The following ITGAE variants were observed in gnomAD, a reference collection of about 807,000 sequenced individuals.
ITGAE encodes integrin subunit alpha E, also known as integrin alpha-E.
A neutral mutation model predicts 136.5 loss-of-function variants in ITGAE; 99 were observed. The observed-to-expected ratio is 0.73, with a 90% CI of 0.62 to 0.86. The LOEUF is 0.86. ITGAE is among the 40% of genes least tolerant of loss of function. The probability of loss-of-function intolerance (pLI) is 0.00; values close to 1 mark genes in which losing one functional copy is unlikely to be tolerated. For missense variants in ITGAE, 1,447 were observed against 1,515.3 expected (o/e 0.95, Z 0.75); for synonymous variants, 613 against 591.8 (o/e 1.04, Z -0.52).
chr17:3,796,054 T>C (rs1597376951), intron 1 of ITGAE, among the ~76,000 whole-genome samples: 8 of 14,772 alleles, frequency 5.4e-4, no homozygotes, highest in Admixed American at 1.2e-3. Flanking sequence ...TGTGCATCTG[T>C]GTGTGTGCAT....
chr17:3,725,101 G>T, intron 26 of ITGAE: 1 of 1,614,220 alleles, frequency 6.2e-7, no homozygotes, highest in Non-Finnish European at 8.5e-7. Context: ...GCTTCCTTCA[G>T]TTTCCACAAG....
At chr17:3,789,621 C>T (rs1407571409) in intron 1 of ITGAE, among the ~76,000 whole-genome samples, 1 of 152,092 alleles carries the variant, frequency 6.6e-6, no homozygotes, top group Non-Finnish European at 1.5e-5. Flanking sequence ...CTGCCTCAAC[C>T]TCCCCTGTAG....
rs938030319 is a variant in ITGAE, at chr17:3,771,435, C to T, written c.155+6105G>A. Among the ~76,000 whole-genome samples, 15 of 152,110 alleles carry T rather than the reference C, an allele frequency of 9.9e-5. No homozygotes were observed. In the South Asian group the frequency reaches 1.2e-3, roughly 13 times the overall value. On this transcript the variant is annotated intron_variant, in intron 2 of 30. Transcript: ENST00000263087. Reference sequence around the variant, plus strand: ...GTGCGGGGCTTAGAGGGGGCCTAGGCGCCGCAGCTCACGTGCCCTTGATCT... The same window carrying T: ...GTGCGGGGCTTAGAGGGGGCCTAGGTGCCGCAGCTCACGTGCCCTTGATCT...
intron 23 of ITGAE, 22 bp from the exon 24 acceptor site, chr17:3,729,577 C>G: frequency 7.1e-7 from 1 of 1,402,010 alleles, no homozygotes; most frequent in Non-Finnish European, 1.0e-6. Flanking sequence ...AGTGTTAGTT[C>G]ATAGCACACC....
chr17:3,740,935 C>G (rs2051570216), intron 19 of ITGAE, among the ~76,000 whole-genome samples: 1 of 152,186 alleles, frequency 6.6e-6, no homozygotes, highest in Non-Finnish European at 1.5e-5. Flanking sequence ...TTCCCACGGC[C>G]TAGAGGGGGA....
chr17:3,741,942 T>G (rs1014373810), intron 19 of ITGAE, among the ~76,000 whole-genome samples: 2 of 152,146 alleles, frequency 1.3e-5, no homozygotes, highest in African/African-American at 2.4e-5. Flanking sequence ...CCGAGCATGG[T>G]GATACATGCC....
intron 17 of ITGAE, among the ~76,000 whole-genome samples, chr17:3,747,350 C>T (rs906708493): frequency 6.6e-6 from 1 of 151,972 alleles, no homozygotes; most frequent in African/African-American, 2.4e-5. Context: ...CGGAGTCTCG[C>T]TCTGTCACCC....
chr17:3,779,021 T>C (rs1207865331), intron 1 of ITGAE, among the ~76,000 whole-genome samples: 2 of 151,496 alleles, frequency 1.3e-5, no homozygotes, highest in Non-Finnish European at 2.9e-5. Context: ...TCCATTTATA[T>C]GAGGTTCTAG....
At chr17:3,734,974 T>G (rs2051429641) in intron 20 of ITGAE, 25 bp from the exon 21 acceptor site, 1 of 1,613,476 alleles carries the variant, frequency 6.2e-7, no homozygotes, top group East Asian at 2.2e-5. Flanking sequence ...GATAAAAATG[T>G]TACAGTTTAT....
In ITGAE at chr17:3,798,727, G is replaced by C. The variant is rs894421993; in HGVS notation, c.34+2384C>G. ...AAGGTGTTGTAGGCTGACAGGACAGGCTTCTTCACGCAAGGGTGGAAACTC... is the reference window on the plus strand; with the variant it reads ...AAGGTGTTGTAGGCTGACAGGACAGCCTTCTTCACGCAAGGGTGGAAACTC... On this transcript the variant is annotated intron_variant, in intron 1 of 30. Coordinates refer to ENST00000263087, the MANE Select transcript of ITGAE (RefSeq NM_002208.5). This position sits in a 1 kb window ranked among gnomAD's most constrained non-coding sequence, Gnocchi z 4.3. Among the ~76,000 whole-genome samples the C allele has an allele frequency of 2.0e-5, 3 of 152,192 alleles. No individual in the cohort carries two copies. Among genetic ancestry groups the C allele is most frequent in the African/African-American group, 7.2e-5 (3 of 41,446 alleles).
Position 3,757,843 on chromosome 17 carries a change from A to C in ITGAE, c.883T>G (p.Ser295Ala). 1 of 1,614,142 alleles carries C rather than the reference A, an allele frequency of 6.2e-7. No homozygotes were observed. The highest frequency in any genetic ancestry group is 8.5e-7 in the Non-Finnish European group (1 of 1,180,030). The part of the protein sequence containing the change: ...MQHVLDSIFT[S>A]SHGSRRKASK... ...GCCTTTCTCCTGGAGCCGTGGCTTG[A>C]GGTGAAGATGCTGTCTCTAAGCAGG... Residue 295 changes from serine (S) to alanine (A), a missense_variant, in exon 9 of 31, where the codon TCA becomes GCA. Ser to Ala is a moderately conservative substitution (Grantham distance 99). This residue lies in a region of ITGAE where 310 missense variants were observed against 416.1 expected (regional missense o/e 0.74). Coordinates refer to ENST00000263087, the MANE Select transcript of ITGAE (RefSeq NM_002208.5).
At chr17:3,733,669 C>A (rs2051397182) in intron 21 of ITGAE, among the ~76,000 whole-genome samples, 1 of 152,338 alleles carries the variant, frequency 6.6e-6, no homozygotes, top group African/African-American at 2.4e-5. Context: ...GATCCGCCCG[C>A]CTCGGCCTCC....
At chr17:3,720,584 CTTTTTTT>C in intron 28 of ITGAE, 182 bp from the exon 29 acceptor site, 1 of 321,048 alleles carries the variant, frequency 3.1e-6, no homozygotes, top group Non-Finnish European at 5.7e-6. Flanking sequence ...CTTCAACTTC[CTTTTTTT>C]TTTTTTTTGA....
chr17:3,759,639 A>G (rs2052117214), intron 7 of ITGAE, 86 bp from the exon 8 acceptor site: 9 of 1,483,284 alleles, frequency 6.1e-6, no homozygotes, highest in Non-Finnish European at 8.4e-6. Flanking sequence ...CAGCAGAAAA[A>G]TCCACTCCTT....
At position 3,716,809 on chromosome 17, in the gene ITGAE, CAA is replaced by C. The variant is rs769120413; in HGVS notation, c.3334-13_3334-12del. On this transcript the variant is annotated splice_polypyrimidine_tract_variant and intron_variant, in intron 29 of 30. Transcript: ENST00000263087. ...GAAGACGACAGTGATCTAGACAAGACAAAGAGATCGCCCAATAAATCAGGTGA... is the reference window on the plus strand; with the variant it reads ...GAAGACGACAGTGATCTAGACAAGACAGAGATCGCCCAATAAATCAGGTGA... 2.1e-6 allele frequency: 3 copies of C among 1,420,612 alleles called. No individual in the cohort carries two copies. The highest frequency in any genetic ancestry group is 1.8e-5 in the Admixed American group (1 of 56,686). 88.0% of individuals were successfully genotyped at this position (1,420,612 alleles called of 1,614,324 possible). A position where few individuals can be genotyped will look rare whatever the true frequency, so the allele number is the denominator to read the frequency against.
chr17:3,763,846 C>T (rs2052230718), intron 3 of ITGAE, 23 bp downstream of exon 3: 1 of 1,591,106 alleles, frequency 6.3e-7, no homozygotes, highest in Non-Finnish European at 8.6e-7. Flanking sequence ...GGGGAGCATT[C>T]CCTGGAGTTG....
At position 3,714,786 on chromosome 17, in the gene ITGAE, AGGATGCTG is replaced by A; in HGVS notation, c.*53_*60del. The A allele has an allele frequency of 1.1e-6, 1 of 908,738 alleles. No homozygotes were observed. Among genetic ancestry groups the A allele is most frequent in the Non-Finnish European group, 1.8e-6 (1 of 558,556 alleles). 56.3% of individuals were successfully genotyped at this position (908,738 alleles called of 1,614,324 possible). A position where few individuals can be genotyped will look rare whatever the true frequency, so the allele number is the denominator to read the frequency against. ...CATCCTGAAGGAAAAAGTAATGCAA[AGGATGCTG>A]GGTCTCCAAGTCCCAGGACTGGCTG... On this transcript the variant is annotated 3_prime_UTR_variant, in exon 31 of 31. Transcript: ENST00000263087.
rs555850424 is a variant in ITGAE at position 3,761,861 on chromosome 17, G to A, written c.315+54C>T. Reference sequence around the variant, plus strand: ...TGGTCTCAACACCAGGGTCAACCACGAGGGCTAGCACCAGCCTCCCTAAGG... The same window carrying A: ...TGGTCTCAACACCAGGGTCAACCACAAGGGCTAGCACCAGCCTCCCTAAGG... On this transcript the variant is annotated intron_variant, in intron 4 of 30. Coordinates refer to ENST00000263087, the MANE Select transcript of ITGAE (RefSeq NM_002208.5). 303 of 1,494,724 alleles carry A rather than the reference G, an allele frequency of 2.0e-4. 2 individuals carry two copies. The South Asian group carries it at 3.2e-3, about 16-fold the overall frequency. 92.6% of individuals were successfully genotyped at this position (1,494,724 alleles called of 1,614,324 possible). A position where few individuals can be genotyped will look rare whatever the true frequency, so the allele number is the denominator to read the frequency against.
rs779471809 is a variant in ITGAE at position 3,745,781 on chromosome 17, T to C, written c.2302A>G (p.Met768Val). Reference protein sequence around the residue: ...GSQLCEDLLLMPTEGELCEED... With the variant: ...GSQLCEDLLLVPTEGELCEED... ...TCACTTACCTCTCCCTCTGTGGGCATGAGCAGGAGGTCCTCACAAAGCTGG... is the reference window on the plus strand; with the variant it reads ...TCACTTACCTCTCCCTCTGTGGGCACGAGCAGGAGGTCCTCACAAAGCTGG... Residue 768 changes from methionine to valine, a missense_variant, in exon 18 of 31, where the codon ATG becomes GTG. Around this residue, in one of 3 missense-constraint regions of ITGAE, gnomAD observed 1,031 missense variants for 1,011.4 expected, o/e 1.02. Coordinates refer to ENST00000263087, the MANE Select transcript of ITGAE (RefSeq NM_002208.5). 1.9e-6 allele frequency: 3 copies of C among 1,614,070 alleles called. No homozygotes were observed. Among genetic ancestry groups the C allele is most frequent in the South Asian group, 2.2e-5 (2 of 91,058 alleles).
Sources: gnomAD v4.1 joint callset for allele counts (sites outside exome capture counted in the v4.1 genomes callset) on GRCh38, gnomAD v4.1.1 for gene constraint, gnomAD v4.1.1 regional missense constraint, Gnocchi (gnomAD v3.1) non-coding constraint, MANE v1.5 for transcripts, NCBI Gene and HGNC (gene_info 2026-07-23, HGNC 2026-07-21) for gene names.